The following UNC13C variants were observed in gnomAD, a reference collection of about 807,000 sequenced individuals.
The protein encoded by UNC13C is unc-13 homolog C.
Under a neutral mutation model 245.4 loss-of-function variants are expected in UNC13C, and 174 were observed. The observed-to-expected ratio is 0.71, with a 90% confidence interval of 0.63 to 0.80. The LOEUF is 0.80. Among genes scored for constraint, UNC13C ranks in the 30% least tolerant of loss-of-function variants. The probability of loss-of-function intolerance (pLI) is 0.00; values close to 1 mark genes in which losing one functional copy is unlikely to be tolerated. For missense variants in UNC13C, 2,829 were observed against 2,602.9 expected, an observed-to-expected ratio of 1.09 and a Z score of -1.89; for synonymous variants, 992 against 895.1, an observed-to-expected ratio of 1.11 and a Z score of -1.93.
At chr15:54,407,381 A>G (rs116459365) in intron 18 of UNC13C, among the ~76,000 whole-genome samples, 289 of 152,232 alleles carry the variant, frequency 1.9e-3, no homozygotes, top group African/African-American at 6.7e-3. Flanking sequence ...GAGGTGGATG[A>G]CTCTGGTAGC....
At chr15:54,185,370 C>T (rs914151634) in intron 4 of UNC13C, among the ~76,000 whole-genome samples, 6 of 151,472 alleles carry the variant, frequency 4.0e-5, no homozygotes, top group African/African-American at 1.5e-4. Flanking sequence ...AATGGTATTG[C>T]CTAGGTTTTC....
chr15:54,128,382 A>AT (rs1343330624), intron 2 of UNC13C, among the ~76,000 whole-genome samples: 13 of 151,948 alleles, frequency 8.6e-5, no homozygotes, highest in Non-Finnish European at 1.3e-4. Flanking sequence ...AAAACTTTCT[A>AT]TTTTTTTCAT....
At position 54,236,471 on chromosome 15, in the gene UNC13C, C is replaced by T. The variant is rs374650868; in HGVS notation, c.3156+36C>T. 7 of 1,569,372 alleles carry T rather than the reference C, an allele frequency of 4.5e-6. No homozygotes were observed. The African/African-American group carries it at 8.1e-5, about 18-fold the overall frequency. On this transcript the variant is annotated intron_variant, in intron 6 of 32. Coordinates refer to ENST00000260323, the MANE Select transcript of UNC13C (RefSeq NM_001080534.3). ...TGCTATTTATTTAATTAATATTTTGCAGTCTTCTCAAACATACACTGCACT... is the reference window on the plus strand; with the variant it reads ...TGCTATTTATTTAATTAATATTTTGTAGTCTTCTCAAACATACACTGCACT...
intron 19 of UNC13C, among the ~76,000 whole-genome samples, chr15:54,473,894 C>A (rs1892589841): frequency 8.0e-6 from 1 of 125,474 alleles, no homozygotes; most frequent in Non-Finnish European, 1.7e-5. Flanking sequence ...ACCTTGTCAC[C>A]CTTCTGAGTC....
intron 17 of UNC13C, among the ~76,000 whole-genome samples, chr15:54,392,618 A>G (rs1244001317): frequency 2.0e-5 from 3 of 151,834 alleles, no homozygotes; most frequent in Non-Finnish European, 4.4e-5. Context: ...TTTAGGCAAG[A>G]TAAATTTTAT....
At chr15:54,589,791 C>T (rs564451850) in intron 30 of UNC13C, among the ~76,000 whole-genome samples, 1 of 152,174 alleles carries the variant, frequency 6.6e-6, no homozygotes, top group South Asian at 2.1e-4. Context: ...CATGCAGAAG[C>T]TCTTTATTTT....
At chr15:54,448,383 T>C (rs56881658) in intron 19 of UNC13C, among the ~76,000 whole-genome samples, 4 of 152,094 alleles carry the variant, frequency 2.6e-5, no homozygotes, top group African/African-American at 9.7e-5. Flanking sequence ...GTGTTAAAGT[T>C]TCCCATTATT....
intron 13 of UNC13C, among the ~76,000 whole-genome samples, chr15:54,308,972 G>A (rs1241850159): frequency 1.3e-5 from 2 of 151,788 alleles, no homozygotes; most frequent in Non-Finnish European, 2.9e-5. Flanking sequence ...AAATATGGGT[G>A]TGCGGATATT....
intron 2 of UNC13C, among the ~76,000 whole-genome samples, chr15:54,094,129 A>C (rs1393053627): frequency 6.6e-6 from 1 of 152,094 alleles, no homozygotes; most frequent in East Asian, 1.9e-4. Flanking sequence ...GGTGACATGG[A>C]GCTCCTGATA....
chr15:54,460,934 A>G (rs2141025288), intron 19 of UNC13C, among the ~76,000 whole-genome samples: 1 of 152,190 alleles, frequency 6.6e-6, no homozygotes, highest in African/African-American at 2.4e-5. Context: ...TTAAAACCTT[A>G]TTGTTTGTTT....
intron 20 of UNC13C, 77 bp from the exon 21 acceptor site, chr15:54,500,002 G>A (rs865994707): frequency 2.8e-6 from 3 of 1,089,022 alleles, no homozygotes; most frequent in South Asian, 3.1e-5. Context: ...ACTCTCATAT[G>A]CAAAAAGAGC....
At chr15:54,279,552 A>G (rs770549157) in intron 10 of UNC13C, among the ~76,000 whole-genome samples, 5 of 152,168 alleles carry the variant, frequency 3.3e-5, no homozygotes, top group Non-Finnish European at 5.9e-5. Context: ...TGTTACTGGC[A>G]TTTCCATCAT....
At chr15:54,475,087 A>G (rs1892654700) in intron 19 of UNC13C, among the ~76,000 whole-genome samples, 1 of 151,920 alleles carries the variant, frequency 6.6e-6, no homozygotes, top group African/African-American at 2.4e-5. Context: ...TGGAGAGGAC[A>G]AATAGCCAAA....
At chr15:54,254,540 A>G (rs1199408088) in intron 8 of UNC13C, among the ~76,000 whole-genome samples, 5 of 152,236 alleles carry the variant, frequency 3.3e-5, no homozygotes, top group African/African-American at 1.2e-4. Flanking sequence ...AAGAACTACA[A>G]CTAGAAATAA....
Position 54,059,071 on chromosome 15 carries a change from T to C in UNC13C, c.2983+43185T>C, listed in dbSNP as rs117620771. On this transcript the variant is annotated intron_variant, in intron 2 of 32. Coordinates refer to ENST00000260323, the MANE Select transcript of UNC13C (RefSeq NM_001080534.3). ...TGGCACAAGACAGGGATGCCCTCTC[T>C]TTACCCCTCCTATTCAACATAGTGT... is the stretch of plus-strand genomic sequence containing the variant. Among the ~76,000 whole-genome samples, 121 of 152,184 alleles carry C rather than the reference T, an allele frequency of 8.0e-4. No individual in the cohort carries two copies. In the East Asian group the frequency reaches 0.022, roughly 27 times the overall value.
At chr15:54,468,102 T>A (rs1892276971) in intron 19 of UNC13C, among the ~76,000 whole-genome samples, 1 of 151,734 alleles carries the variant, frequency 6.6e-6, no homozygotes, top group South Asian at 2.1e-4. Context: ...GGTCCACTTT[T>A]ATCCACATTT....
chr15:54,216,473 T>C (rs570477993), intron 4 of UNC13C, among the ~76,000 whole-genome samples: 2 of 151,996 alleles, frequency 1.3e-5, no homozygotes, highest in East Asian at 1.9e-4. Flanking sequence ...TGCTGGCATG[T>C]TTGTGAAACT....
chr15:54,436,542 T>A (rs2140983647), intron 19 of UNC13C, among the ~76,000 whole-genome samples: 1 of 151,984 alleles, frequency 6.6e-6, no homozygotes, highest in African/African-American at 2.4e-5. Flanking sequence ...AAACCATCAT[T>A]CTCAGCAAAC....
the UNC13C span, among the ~76,000 whole-genome samples, chr15:53,940,373 A>C: frequency 6.6e-6 from 1 of 152,122 alleles, no homozygotes; most frequent in Non-Finnish European, 1.5e-5. Context: ...CTGAATAGGG[A>C]AAAGCTGGAA....
Sources: gnomAD v4.1 joint callset for allele counts (sites outside exome capture counted in the v4.1 genomes callset) on GRCh38, gnomAD v4.1.1 for gene constraint, MANE v1.5 for transcripts, NCBI Gene and HGNC (gene_info 2026-07-23, HGNC 2026-07-21) for gene names.